Variants in ADAMTS12 observed in about 807,000 individuals in gnomAD.
The protein encoded by ADAMTS12 is ADAM metallopeptidase with thrombospondin type 1 motif 12.
Under a neutral mutation model 167.8 loss-of-function variants are expected in ADAMTS12, and 118 were observed. The ratio of observed to expected loss-of-function variants is 0.70; its 90% CI spans 0.61 to 0.82. The LOEUF (loss-of-function observed/expected upper bound fraction) is 0.82, where lower values mean the gene tolerates loss of function less well. Among genes scored for constraint, ADAMTS12 ranks in the 40% least tolerant of loss-of-function variants. The probability of loss-of-function intolerance (pLI) is 0.00; values close to 1 mark genes in which losing one functional copy is unlikely to be tolerated. For synonymous variants in ADAMTS12, 704 were observed against 716.9 expected (o/e 0.98, Z 0.29); for missense variants, 1,916 against 1,998.8 (o/e 0.96, Z 0.79).
At chr5:33,624,167 C>A (rs554537839) in intron 14 of ADAMTS12, 64 bp downstream of exon 14, 2 of 1,601,156 alleles carry the variant, frequency 1.2e-6, no homozygotes, top group East Asian at 4.5e-5. Flanking sequence ...AGGAACCAAT[C>A]AACCATTTAT....
Position 33,534,890 on chromosome 5 carries a change from T to G in ADAMTS12, c.4549A>C (p.Lys1517Gln). The change falls in exon 23 of 24, where the codon AAA (lysine) becomes CAA (glutamine). Residue 1517 changes from lysine (K) to glutamine (Q), a missense_variant. Coordinates refer to ENST00000504830, the MANE Select transcript of ADAMTS12 (RefSeq NM_030955.4). Reference protein sequence around the residue: ...EDQDQCLCDHKPRPPEFKKCN... With the variant: ...EDQDQCLCDHQPRPPEFKKCN... ...TTTTTGAATTCTGGAGGTCTGGGTTTGTGATCACATAGACATTGGTCTTGG... is the reference window on the plus strand; with the variant it reads ...TTTTTGAATTCTGGAGGTCTGGGTTGGTGATCACATAGACATTGGTCTTGG... 6.2e-7 allele frequency: 1 copy of G among 1,614,156 alleles called. No individual in the cohort carries two copies. The highest frequency in any genetic ancestry group is 8.5e-7 in the Non-Finnish European group (1 of 1,180,014).
chr5:33,588,619 T>G lies in ADAMTS12; in HGVS notation c.2845A>C (p.Thr949Pro). The G allele has an allele frequency of 6.2e-7, 1 of 1,614,088 alleles. No homozygotes were observed. The highest frequency in any genetic ancestry group is 8.5e-7 in the Non-Finnish European group (1 of 1,180,014). The change falls in exon 18 of 24, where the codon ACA becomes CCA. Residue 949 changes from threonine to proline, a missense_variant. Physicochemically the swap from Thr to Pro is conservative, Grantham distance 38 (BLOSUM62 -1). Coordinates refer to ENST00000504830, the MANE Select transcript of ADAMTS12 (RefSeq NM_030955.4). ...CTCACCTCACTCCAGTTGCCCACTG[T>G]CCAGTCCGAGGGGCACAGGATGTCT... ...NRDILCPSDWTVGNWSECSVS... is the reference protein window; with the variant it reads ...NRDILCPSDWPVGNWSECSVS...
intron 2 of ADAMTS12, among the ~76,000 whole-genome samples, chr5:33,820,484 T>C (rs1747828652): frequency 6.6e-6 from 1 of 152,156 alleles, no homozygotes; most frequent in Non-Finnish European, 1.5e-5. Context: ...TTGCACAACA[T>C]CTAAAGACAA....
chr5:33,832,259 C>T (rs1211648159), intron 2 of ADAMTS12, among the ~76,000 whole-genome samples: 1 of 152,104 alleles, frequency 6.6e-6, no homozygotes, highest in East Asian at 1.9e-4. Context: ...CAAGTTGTGC[C>T]CCTGACTCCT....
chr5:33,577,897 G>A (rs1746840781), intron 18 of ADAMTS12, among the ~76,000 whole-genome samples: 1 of 152,182 alleles, frequency 6.6e-6, no homozygotes, highest in South Asian at 2.1e-4. Context: ...ATGCCATGCT[G>A]AAGCCCAAGC....
chr5:33,553,644 A>G (rs987216056), intron 20 of ADAMTS12, among the ~76,000 whole-genome samples: 6 of 152,324 alleles, frequency 3.9e-5, no homozygotes, highest in African/African-American at 1.4e-4. Context: ...GTTCTCACTT[A>G]TAAGTGGGAG....
chr5:33,636,505 C>A (rs972720163), intron 12 of ADAMTS12, among the ~76,000 whole-genome samples: 1 of 152,150 alleles, frequency 6.6e-6, no homozygotes, highest in Non-Finnish European at 1.5e-5. Flanking sequence ...GGGCAAGGAG[C>A]AATCACTGCC....
At chr5:33,624,114 C>T in intron 14 of ADAMTS12, 117 bp downstream of exon 14, 2 of 1,469,844 alleles carry the variant, frequency 1.4e-6, no homozygotes, top group Non-Finnish European at 1.8e-6. Flanking sequence ...ATTTTGAATA[C>T]TTTGAAAATC....
intron 19 of ADAMTS12, among the ~76,000 whole-genome samples, chr5:33,571,331 A>G (rs1012852338): frequency 1.3e-5 from 2 of 152,138 alleles, no homozygotes. Context: ...TCCAAAATTG[A>G]CCACATACTT....
At chr5:33,720,280 T>TCACACACACACA (rs201402268) in intron 3 of ADAMTS12, among the ~76,000 whole-genome samples, 1 of 62,418 alleles carries the variant, frequency 1.6e-5, no homozygotes, top group South Asian at 3.5e-4. Context: ...TCTCTCTCTC[T>TCACACACACACA]CACTCACACA....
At chr5:33,867,590 T>C (rs1293550820) in intron 2 of ADAMTS12, among the ~76,000 whole-genome samples, 4 of 151,674 alleles carry the variant, frequency 2.6e-5, no homozygotes, top group Admixed American at 2.6e-4. Flanking sequence ...CAAAAACTAC[T>C]TATACCCCAA....
intron 3 of ADAMTS12, among the ~76,000 whole-genome samples, chr5:33,709,545 G>T (rs1181876342): frequency 3.9e-5 from 6 of 152,162 alleles, no homozygotes; most frequent in Non-Finnish European, 1.5e-5. Flanking sequence ...ATGAAATAAT[G>T]TCCTTTGCAG....
At chr5:33,699,509 G>A (rs1258875556) in intron 3 of ADAMTS12, among the ~76,000 whole-genome samples, 2 of 151,934 alleles carry the variant, frequency 1.3e-5, no homozygotes, top group African/African-American at 4.8e-5. Context: ...GAAGGACTAG[G>A]CCACGAATTC....
intron 22 of ADAMTS12, among the ~76,000 whole-genome samples, chr5:33,544,544 G>A (rs1028761898): frequency 1.3e-5 from 2 of 152,146 alleles, no homozygotes; most frequent in African/African-American, 2.4e-5. Context: ...AAAAGAGCCT[G>A]CAGTGCCAAG....
intron 2 of ADAMTS12, among the ~76,000 whole-genome samples, chr5:33,820,062 C>T (rs1202180284): frequency 6.6e-6 from 1 of 152,176 alleles, no homozygotes; most frequent in Non-Finnish European, 1.5e-5. Flanking sequence ...GTCTCTGGAA[C>T]TGGCTAACTG....
At chr5:33,615,004 C>T (rs964875465) in intron 15 of ADAMTS12, among the ~76,000 whole-genome samples, 1 of 152,216 alleles carries the variant, frequency 6.6e-6, no homozygotes, top group Admixed American at 6.5e-5. Flanking sequence ...TGGTCATGGA[C>T]TTTAACTTAG....
In ADAMTS12 at chr5:33,576,386, T is replaced by C; in HGVS notation, c.3640A>G (p.Ser1214Gly). ...GGGAGCAGTCCTTCCATTACTGTGC[T>C]GAAGGGTGGCCACCAGGACTCCCTG... is the stretch of plus-strand genomic sequence containing the variant. Reference protein sequence around the residue: ...LSRESWWPPFSTVMEGLLPSQ... With the variant: ...LSRESWWPPFGTVMEGLLPSQ... The change falls in exon 19 of 24, where the codon AGC (serine) becomes GGC (glycine). Residue 1214 changes from serine (S) to glycine (G), a missense_variant. By Grantham distance (56) the Ser-to-Gly change is moderately conservative. Coordinates refer to ENST00000504830, the MANE Select transcript of ADAMTS12 (RefSeq NM_030955.4). 1 of 1,614,178 alleles carries C rather than the reference T, an allele frequency of 6.2e-7. No individual in the cohort carries two copies. Among genetic ancestry groups the C allele is most frequent in the African/African-American group, 1.3e-5 (1 of 75,066 alleles).
At chr5:33,667,487 A>G (rs1239096418) in intron 5 of ADAMTS12, among the ~76,000 whole-genome samples, 2 of 152,082 alleles carry the variant, frequency 1.3e-5, no homozygotes, top group Non-Finnish European at 2.9e-5. Context: ...GTCCTCCATT[A>G]TTTTATATGC....
intron 3 of ADAMTS12, among the ~76,000 whole-genome samples, chr5:33,706,824 A>G (rs904282622): frequency 4.6e-5 from 7 of 152,198 alleles, no homozygotes; most frequent in African/African-American, 1.7e-4. Context: ...AGAGCTACTT[A>G]TGACAAACCC....
Sources: allele counts gnomAD v4.1 joint callset (sites outside exome capture counted in the v4.1 genomes callset), GRCh38; gene constraint gnomAD v4.1.1; transcripts MANE v1.5; gene names NCBI Gene and HGNC (gene_info 2026-07-23, HGNC 2026-07-21).